NWD1: variants seen among roughly 807,000 people sequenced by gnomAD.
NWD1 encodes the protein NACHT domain- and WD repeat-containing protein 1.
A neutral mutation model predicts 135.1 loss-of-function variants in NWD1; 129 were observed. The ratio of observed to expected loss-of-function variants is 0.96; its 90% CI spans 0.83 to 1.11. The LOEUF (loss-of-function observed/expected upper bound fraction) is 1.11, where lower values mean the gene tolerates loss of function less well. Among genes scored for constraint, NWD1 ranks in the 50% least tolerant of loss-of-function variants. The pLI is 0.00. For synonymous variants in NWD1, 773 were observed against 786.0 expected, an observed-to-expected ratio of 0.98 and a Z score of 0.28; for missense variants, 1,740 against 1,851.3, an observed-to-expected ratio of 0.94 and a Z score of 1.10.
chr19:16,721,101 T>A (rs574029014), intron 1 of NWD1, among the ~76,000 whole-genome samples: 1 of 152,196 alleles, frequency 6.6e-6, no homozygotes, highest in East Asian at 1.9e-4. Flanking sequence ...CTGCCTGTTT[T>A]GGCCTCTCAA....
At chr19:16,756,599 C>A (rs1968807508) in intron 6 of NWD1, among the ~76,000 whole-genome samples, 1 of 152,178 alleles carries the variant, frequency 6.6e-6, no homozygotes, top group Admixed American at 6.5e-5. Context: ...TCCATATAAT[C>A]TGTCTATCTA....
chr19:16,738,694 G>A (rs935478148), intron 4 of NWD1, among the ~76,000 whole-genome samples: 3 of 145,004 alleles, frequency 2.1e-5, no homozygotes, highest in Non-Finnish European at 4.5e-5. Context: ...TGGGAATTAT[G>A]AGCCAGGAAT....
Position 16,761,847 on chromosome 19 carries a change from CAA to C in NWD1, c.1974-130_1974-129del, listed in dbSNP as rs1599484061. 8 of 607,004 alleles carry C rather than the reference CAA, an allele frequency of 1.3e-5. No individual in the cohort carries two copies. The East Asian group carries it at 2.3e-4, about 17-fold the overall frequency. 37.6% of individuals were successfully genotyped at this position (607,004 alleles called of 1,614,324 possible). On this transcript the variant is annotated intron_variant, in intron 7 of 18. Transcript: ENST00000524140. Reference sequence around the variant, plus strand: ...CAATTTAGAGATAGATGTGATGTATCAAATAGCACAGGTGGTCAACAGAGTGG... The same window carrying C: ...CAATTTAGAGATAGATGTGATGTATCATAGCACAGGTGGTCAACAGAGTGG...
rs1436593535 is a variant in NWD1, at chr19:16,817,210, G to A, written c.*2171G>A. ...AGTTACTCAGGAGGCTGAGTCAGGA[G>A]AATCACTTGAACCCGGGAGGCGGAG... is the stretch of plus-strand genomic sequence containing the variant. On this transcript the variant is annotated 3_prime_UTR_variant, in exon 19 of 19. Transcript: ENST00000524140. 2.6e-5 allele frequency: 4 copies of A among 152,404 alleles called. No homozygotes were observed. In the East Asian group the frequency reaches 5.8e-4, roughly 22 times the overall value. 9.4% of individuals were successfully genotyped at this position (152,404 alleles called of 1,614,324 possible).
intron 12 of NWD1, among the ~76,000 whole-genome samples, chr19:16,788,474 C>A (rs1182078294): frequency 6.8e-6 from 1 of 148,148 alleles, no homozygotes; most frequent in African/African-American, 2.5e-5. Context: ...GAGGCTGAGG[C>A]ACGAGAATCA....
rs764038027 is a variant in NWD1 at position 16,815,025 on chromosome 19, C to T, written c.4288-3C>T. The T allele has an allele frequency of 1.2e-6, 2 of 1,613,506 alleles. No individual in the cohort carries two copies. The highest frequency in any genetic ancestry group is 1.7e-6 in the Non-Finnish European group (2 of 1,179,486). On this transcript the variant is annotated splice_polypyrimidine_tract_variant and splice_region_variant and intron_variant, in intron 18 of 18. Transcript: ENST00000524140. Reference sequence around the variant, plus strand: ...ATTTGTGTCCTTCTCTTCACCCTTACAGGCACCCTGCTGACAGTCCAGTTT... The same window carrying T: ...ATTTGTGTCCTTCTCTTCACCCTTATAGGCACCCTGCTGACAGTCCAGTTT...
At chr19:16,812,733 T>A in intron 18 of NWD1, 1 of 780,958 alleles carries the variant, frequency 1.3e-6, no homozygotes, top group Non-Finnish European at 2.4e-6. Context: ...TCATATTGTC[T>A]GTTTTCAACA....
At chr19:16,797,088 G>C (rs1458202804) in intron 15 of NWD1, among the ~76,000 whole-genome samples, 1 of 151,568 alleles carries the variant, frequency 6.6e-6, no homozygotes, top group Non-Finnish European at 1.5e-5. Context: ...GCTGAGGCAG[G>C]AGAATCGCTT....
chr19:16,729,675 C>T (rs892124143), intron 2 of NWD1, among the ~76,000 whole-genome samples: 2 of 150,790 alleles, frequency 1.3e-5, no homozygotes, highest in African/African-American at 2.4e-5. Flanking sequence ...TTGAGACCAG[C>T]GTGGCCAACA....
chr19:16,732,649 C>A (rs1599428293), intron 3 of NWD1, among the ~76,000 whole-genome samples: 1 of 26,378 alleles, frequency 3.8e-5, no homozygotes, highest in Non-Finnish European at 7.8e-5. Flanking sequence ...AGCAAGACTT[C>A]ATCTCAAAAA....
chr19:16,764,525 A>G (rs1969147666), intron 9 of NWD1, among the ~76,000 whole-genome samples: 1 of 151,480 alleles, frequency 6.6e-6, no homozygotes, highest in Non-Finnish European at 1.5e-5. Context: ...CCATCCATCC[A>G]TCATTCTATC....
intron 2 of NWD1, 104 bp from the exon 3 acceptor site, chr19:16,731,088 G>T: frequency 3.2e-6 from 2 of 630,476 alleles, no homozygotes; most frequent in Non-Finnish European, 5.4e-6. Flanking sequence ...CCACAAAAAA[G>T]GGGAAAAAAG....
chr19:16,779,847 G>A (rs1158679558), intron 12 of NWD1, among the ~76,000 whole-genome samples: 1 of 152,052 alleles, frequency 6.6e-6, no homozygotes, highest in Non-Finnish European at 1.5e-5. Flanking sequence ...TGTTGCCCAG[G>A]CTGGTCTGAA....
At chr19:16,767,058 C>T (rs1029087244) in intron 10 of NWD1, among the ~76,000 whole-genome samples, 4 of 152,032 alleles carry the variant, frequency 2.6e-5, no homozygotes, top group Non-Finnish European at 5.9e-5. Flanking sequence ...AAAGAAACAC[C>T]CAAGACTGGG....
chr19:16,728,810 G>A (rs1023708431), intron 2 of NWD1, among the ~76,000 whole-genome samples: 28 of 151,784 alleles, frequency 1.8e-4, no homozygotes, highest in Admixed American at 7.2e-4. Context: ...TAGGCGTGGT[G>A]GCGGGCGCCT....
intron 13 of NWD1, 57 bp from the exon 14 acceptor site, chr19:16,791,293 A>C (rs1970236215): frequency 1.4e-5 from 22 of 1,521,022 alleles, no homozygotes; most frequent in Non-Finnish European, 1.8e-5. Context: ...TGACTCCGGG[A>C]AACTTGTAGT....
chr19:16,745,956 C>T (rs1201794172), intron 5 of NWD1, among the ~76,000 whole-genome samples: 7 of 151,838 alleles, frequency 4.6e-5, no homozygotes, highest in African/African-American at 1.5e-4. Context: ...ATACAGTCTA[C>T]CCTTGAACAA....
In NWD1 at chr19:16,792,072, GTTGGCGTCTC is replaced by G. The variant is rs1448991037; in HGVS notation, c.3213+455_3213+464del. Among the ~76,000 whole-genome samples, 11 of 152,306 alleles carry G rather than the reference GTTGGCGTCTC, an allele frequency of 7.2e-5. 1 individual carries two copies. In the East Asian group the frequency reaches 1.9e-3, roughly 27 times the overall value. On this transcript the variant is annotated intron_variant, in intron 14 of 18. Transcript: ENST00000524140. ...GTTCAGCACAGTTCAGGAAACATCT[GTTGGCGTCTC>G]TTGGGGACTGACCAATGTGGGCAAT...
Position 16,736,651 on chromosome 19 carries a change from G to C in NWD1, c.99G>C (p.Trp33Cys). ...GLMFEVVDLR[W>C]GIRNIEATDH... ...TTTCCCAGGTCGTTGATCTGAGGTG[G>C]GGTATTCGGAACATTGAAGCCACTG... Residue 33 changes from tryptophan to cysteine, a missense_variant, in exon 4 of 19, where the codon TGG becomes TGC. By Grantham distance (215) the Trp-to-Cys change is radical. Coordinates refer to ENST00000524140, the MANE Select transcript of NWD1 (RefSeq NM_001007525.5). 6.5e-7 allele frequency: 1 copy of C among 1,534,396 alleles called. No individual in the cohort carries two copies. Among genetic ancestry groups the C allele is most frequent in the Non-Finnish European group, 8.7e-7 (1 of 1,145,342 alleles).
Sources: gnomAD v4.1 joint callset for allele counts (sites outside exome capture counted in the v4.1 genomes callset) on GRCh38, gnomAD v4.1.1 for gene constraint, MANE v1.5 for transcripts, NCBI Gene and HGNC (gene_info 2026-07-23, HGNC 2026-07-21) for gene names.